Variants in KIF1B observed in about 807,000 individuals in gnomAD.
KIF1B encodes the protein kinesin-like protein KIF1B.
A neutral mutation model predicts 241.9 loss-of-function variants in KIF1B; 76 were observed. The observed-to-expected ratio is 0.31, with a 90% CI of 0.26 to 0.38. The LOEUF (loss-of-function observed/expected upper bound fraction) is 0.38. Ranked by LOEUF, KIF1B falls within the 10% of genes least tolerant of loss-of-function variation. The probability of loss-of-function intolerance (pLI) is 1.00; values close to 1 mark genes in which losing one functional copy is unlikely to be tolerated. For synonymous variants in KIF1B, 750 were observed against 796.7 expected (o/e 0.94, Z 0.99); for missense variants, 1,622 against 2,271.4 (o/e 0.71, Z 5.81).
intron 28 of KIF1B, among the ~76,000 whole-genome samples, chr1:10,335,617 T>C (rs752835773): frequency 4.6e-5 from 7 of 151,814 alleles, no homozygotes; most frequent in Non-Finnish European, 1.0e-4. Context: ...TTGTCTTGCT[T>C]AGTTGTTGTT....
rs774505807 is a variant in KIF1B, at chr1:10,326,104, T to G, written c.2676-7T>G. The G allele has an allele frequency of 1.2e-6, 2 of 1,613,944 alleles. No homozygotes were observed. The highest frequency in any genetic ancestry group is 1.7e-6 in the Non-Finnish European group (2 of 1,180,024). On this transcript the variant is annotated splice_region_variant and splice_polypyrimidine_tract_variant and intron_variant, in intron 26 of 48. Coordinates refer to ENST00000676179, the MANE Select transcript of KIF1B (RefSeq NM_001365951.3). The surrounding 1 kb of genome is among the most constrained non-coding windows in gnomAD (Gnocchi z 5.2). Reference sequence around the variant, plus strand: ...CTGTGTTAATTGGCGTCTTACCTGGTGTCTAGCTCCCCCATTTTCCACGGC... The same window carrying G: ...CTGTGTTAATTGGCGTCTTACCTGGGGTCTAGCTCCCCCATTTTCCACGGC...
At chr1:10,320,274 C>T in intron 23 of KIF1B, 138 bp downstream of exon 23, 2 of 645,636 alleles carry the variant, frequency 3.1e-6, no homozygotes, top group Non-Finnish European at 5.7e-6. Context: ...AGCCAGTTTA[C>T]AGATGATTGA....
chr1:10,223,035 C>G (rs376054687), intron 1 of KIF1B, among the ~76,000 whole-genome samples: 2 of 152,102 alleles, frequency 1.3e-5, no homozygotes, highest in Non-Finnish European at 1.5e-5. Context: ...AGGCGGGTCA[C>G]GAGGTCAGGA....
At chr1:10,338,165 A>T (rs1652252250) in intron 31 of KIF1B, among the ~76,000 whole-genome samples, 1 of 152,246 alleles carries the variant, frequency 6.6e-6, no homozygotes, top group South Asian at 2.1e-4. Flanking sequence ...GTACTTGGAA[A>T]GGGCCACAGT....
intron 2 of KIF1B, among the ~76,000 whole-genome samples, chr1:10,235,136 TG>T (rs1647033937): frequency 6.6e-6 from 1 of 152,106 alleles, no homozygotes; most frequent in African/African-American, 2.4e-5. Context: ...GTCATCCGCC[TG>T]CCTCAGCCTC....
At chr1:10,237,694 TG>T (rs1647075118) in intron 2 of KIF1B, among the ~76,000 whole-genome samples, 1 of 152,140 alleles carries the variant, frequency 6.6e-6, no homozygotes, top group Non-Finnish European at 1.5e-5. Context: ...ATACAAATAA[TG>T]ATTTCATGTC....
rs147584083 is a variant in KIF1B at position 10,368,428 on chromosome 1, A to G, written c.4753-39A>G. On this transcript the variant is annotated intron_variant, in intron 43 of 48. Transcript: ENST00000676179. ...TATCCCAAGGCTCCTGGCTGTTGAC[A>G]TTTTATGTTCAGCTTGCACTTCTCT... 4.4e-5 allele frequency: 70 copies of G among 1,575,972 alleles called. No individual in the cohort carries two copies. The East Asian group carries it at 1.5e-3, about 34-fold the overall frequency.
Position 10,308,108 on chromosome 1 carries a change from G to T in KIF1B, c.2115+10862G>T, listed in dbSNP as rs1650916302. On this transcript the variant is annotated intron_variant, in intron 22 of 48. Transcript: ENST00000676179. ...CTACCGGAAGTTACATAGACTTCCT[G>T]CAGTCAGCTGCTGTGCCCCAGTGCC... 3.8e-6 allele frequency: 4 copies of T among 1,060,316 alleles called. No homozygotes were observed. The South Asian group carries it at 1.8e-4, about 48-fold the overall frequency. 65.7% of individuals were successfully genotyped at this position (1,060,316 alleles called of 1,614,324 possible). A position where few individuals can be genotyped will look rare whatever the true frequency, so the allele number is the denominator to read the frequency against.
At chr1:10,320,245 A>G in intron 23 of KIF1B, 109 bp downstream of exon 23, 1 of 705,152 alleles carries the variant, frequency 1.4e-6, no homozygotes, top group Non-Finnish European at 2.5e-6. Flanking sequence ...TGGCCCTATC[A>G]TTTATTGACA....
At chr1:10,288,685 GTTGT>G (rs1649834229) in intron 15 of KIF1B, among the ~76,000 whole-genome samples, 1 of 143,518 alleles carries the variant, frequency 7.0e-6, no homozygotes, top group South Asian at 2.2e-4. Flanking sequence ...ACCTTTGCTG[GTTGT>G]TGTTGTTCTT....
chr1:10,345,913 C>T lies in KIF1B; in HGVS notation c.3757C>T (p.Leu1253=), dbSNP rs1557727866. Residue 1253 remains leucine, a synonymous_variant, in exon 35 of 49, where the codon CTG becomes TTG. Transcript: ENST00000676179. ...CCAGAGCATGAGCAAGTATGACCTC[C>T]TGGTTTGGTTTGAGATCAGTGAACT... ...LGQSMSKYDL[L]VWFEISELEP... is the part of the protein sequence containing the mutation. The T allele has an allele frequency of 6.2e-7, 1 of 1,614,110 alleles. No individual in the cohort carries two copies. Among genetic ancestry groups the T allele is most frequent in the Non-Finnish European group, 8.5e-7 (1 of 1,179,946 alleles).
In KIF1B at chr1:10,371,162, G is replaced by A; in HGVS notation, c.4846G>A (p.Gly1616Arg). The change falls in exon 45 of 49, where the codon GGA becomes AGA. Residue 1616 changes from glycine (G) to arginine (R), a missense_variant. Transcript: ENST00000676179. ...DCKLSDISPIGRDPSESSFSS... is the reference protein window; with the variant it reads ...DCKLSDISPIRRDPSESSFSS... ...CCAGTTGTCTGATATCTCTCCAATT[G>A]GACGGGATCCCTCTGAGTCCAGTTT... The A allele has an allele frequency of 6.2e-7, 1 of 1,614,094 alleles. No homozygotes were observed. Among genetic ancestry groups the A allele is most frequent in the Non-Finnish European group, 8.5e-7 (1 of 1,180,014 alleles).
rs1638945753 is a variant in KIF1B at position 10,378,514 on chromosome 1, G to A, written c.*1927G>A. ...TTACTTCCCTTGCTCAGACCTCTCT[G>A]TTTCACCATTGCTCAGGCATTCAGG... On this transcript the variant is annotated 3_prime_UTR_variant, in exon 49 of 49. Transcript: ENST00000676179. The A allele has an allele frequency of 4.2e-6, 3 of 706,458 alleles. No homozygotes were observed. The allele number at this position is 706,458 out of a possible 1,614,324, so 43.8% of individuals were successfully genotyped here.
chr1:10,294,623 T>C (rs1282655101), intron 17 of KIF1B, among the ~76,000 whole-genome samples: 1 of 152,176 alleles, frequency 6.6e-6, no homozygotes, highest in Non-Finnish European at 1.5e-5. Context: ...GTCCCAACAC[T>C]TTGGGAGGCC....
At chr1:10,342,702 C>G (rs1342142999) in intron 33 of KIF1B, among the ~76,000 whole-genome samples, 2 of 152,196 alleles carry the variant, frequency 1.3e-5, no homozygotes, top group Non-Finnish European at 1.5e-5. Context: ...ATGGAAAAGT[C>G]TGCTTCCTTA....
Position 10,342,057 on chromosome 1 carries a change from T to C in KIF1B, c.3521T>C (p.Val1174Ala). ...AATCTTGCTTGGCTTTAGATTGCAG[T>C]GGAGATCACTGAATCATTTGTGGAT... The part of the protein sequence containing the change: ...LAFYHVQNIA[V>A]EITESFVDYI... Residue 1174 changes from valine to alanine, a missense_variant, in exon 33 of 49, where the codon GTG becomes GCG. Physicochemically the swap from Val to Ala is moderately conservative, Grantham distance 64. Around this residue, in one of 7 missense-constraint regions of KIF1B, gnomAD observed 803 missense variants for 1,112.0 expected, o/e 0.72. Coordinates refer to ENST00000676179, the MANE Select transcript of KIF1B (RefSeq NM_001365951.3). 1 of 1,596,508 alleles carries C rather than the reference T, an allele frequency of 6.3e-7. No homozygotes were observed. The highest frequency in any genetic ancestry group is 8.6e-7 in the Non-Finnish European group (1 of 1,164,042).
chr1:10,237,950 G>A (rs920114373), intron 2 of KIF1B, among the ~76,000 whole-genome samples: 1 of 151,960 alleles, frequency 6.6e-6, no homozygotes, highest in African/African-American at 2.4e-5. Flanking sequence ...TCAAGGCTGC[G>A]GTGAGCCGTG....
chr1:10,345,773 C>A, intron 34 of KIF1B, 72 bp from the exon 35 acceptor site: 1 of 1,086,026 alleles, frequency 9.2e-7, no homozygotes, highest in Admixed American at 1.8e-5. Flanking sequence ...TAAAGACTGA[C>A]ATTAGAGAAG....
chr1:10,357,906 G>A (rs1221598365), intron 38 of KIF1B, among the ~76,000 whole-genome samples: 1 of 151,782 alleles, frequency 6.6e-6, no homozygotes, highest in Non-Finnish European at 1.5e-5. Context: ...CTACTTGGGA[G>A]GCTGAGGCAG....
Sources: gnomAD v4.1 joint callset for allele counts (sites outside exome capture counted in the v4.1 genomes callset) on GRCh38, gnomAD v4.1.1 for gene constraint, gnomAD v4.1.1 regional missense constraint, Gnocchi (gnomAD v3.1) non-coding constraint, MANE v1.5 for transcripts, NCBI Gene and HGNC (gene_info 2026-07-23, HGNC 2026-07-21) for gene names.